The following LRFN5 variants were observed in gnomAD, a reference collection of about 807,000 sequenced individuals.
LRFN5 encodes leucine rich repeat and fibronectin type III domain containing 5, also known as leucine-rich repeat and fibronectin type-III domain-containing protein 5.
In LRFN5, 24 loss-of-function variants were observed where a neutral mutation model predicts 45.6. That is an observed-to-expected ratio of 0.53 (90% confidence interval 0.38 to 0.74). LRFN5 has a LOEUF of 0.74. LRFN5 is among the 30% of genes least tolerant of loss of function. LRFN5 has a pLI of 0.00. For missense variants in LRFN5, 776 were observed against 861.5 expected (o/e 0.90, Z 1.24); for synonymous variants, 340 against 313.8 (o/e 1.08, Z -0.88).
At chr14:41,739,765 GAA>G (rs1164907115) in intron 1 of LRFN5, among the ~76,000 whole-genome samples, 1 of 149,206 alleles carries the variant, frequency 6.7e-6, no homozygotes, top group African/African-American at 2.4e-5. Context: ...AAATATAAAT[GAA>G]AGTAAAATTG....
At chr14:41,717,387 A>G (rs772762592) in intron 1 of LRFN5, among the ~76,000 whole-genome samples, 12 of 152,216 alleles carry the variant, frequency 7.9e-5, no homozygotes, top group Non-Finnish European at 1.2e-4. Context: ...AATGAAAGCT[A>G]TGAAAGCTAA....
chr14:41,725,199 G>A (rs975543720), intron 1 of LRFN5, among the ~76,000 whole-genome samples: 4 of 152,116 alleles, frequency 2.6e-5, no homozygotes, highest in African/African-American at 9.7e-5. Context: ...TTTAGATGTG[G>A]CGAACTTGAG....
chr14:41,647,119 T>TAGGTGCATAAATTGA (rs1879854936), intron 1 of LRFN5, among the ~76,000 whole-genome samples: 1 of 152,190 alleles, frequency 6.6e-6, no homozygotes, highest in Non-Finnish European at 1.5e-5. Flanking sequence ...CCCCTGATGT[T>TAGGTGCATAAATTGA]TATATTGTTG....
At chr14:41,795,473 C>G (rs966158775) in intron 2 of LRFN5, among the ~76,000 whole-genome samples, 3 of 152,088 alleles carry the variant, frequency 2.0e-5, no homozygotes, top group African/African-American at 7.2e-5. Flanking sequence ...AAGACACATG[C>G]ACACGTATGT....
At chr14:41,613,848 G>T (rs35640579) in intron 1 of LRFN5, among the ~76,000 whole-genome samples, 2 of 151,972 alleles carry the variant, frequency 1.3e-5, no homozygotes, top group African/African-American at 4.8e-5. Context: ...ACCATGTTCA[G>T]CTCTTTTGAG....
chr14:41,670,411 G>A (rs554364970), intron 1 of LRFN5, among the ~76,000 whole-genome samples: 7 of 149,230 alleles, frequency 4.7e-5, no homozygotes, highest in South Asian at 2.1e-4. Flanking sequence ...TTTTCACTAC[G>A]TAATTTGTAT....
At chr14:41,819,854 A>G (rs1471000486) in intron 2 of LRFN5, among the ~76,000 whole-genome samples, 1 of 152,098 alleles carries the variant, frequency 6.6e-6, no homozygotes, top group Non-Finnish European at 1.5e-5. Flanking sequence ...TTGGGTGGAG[A>G]CACATATCTG....
chr14:41,627,669 C>T (rs1366883501), intron 1 of LRFN5, among the ~76,000 whole-genome samples: 2 of 152,040 alleles, frequency 1.3e-5, no homozygotes, highest in African/African-American at 4.8e-5. Context: ...ACAACATGGT[C>T]GAATATATAG....
intron 1 of LRFN5, among the ~76,000 whole-genome samples, chr14:41,640,530 A>G (rs1446191469): frequency 6.6e-6 from 1 of 152,048 alleles, no homozygotes; most frequent in Non-Finnish European, 1.5e-5. Flanking sequence ...TTTGAAGGAG[A>G]AATACACAGG....
chr14:41,758,726 A>G (rs1031638048), intron 1 of LRFN5, among the ~76,000 whole-genome samples: 2 of 152,202 alleles, frequency 1.3e-5, no homozygotes, highest in African/African-American at 4.8e-5. Flanking sequence ...TCTTTTATAC[A>G]TGACTGTTTA....
chr14:41,840,548 C>A (rs1888823905), intron 2 of LRFN5, among the ~76,000 whole-genome samples: 1 of 151,964 alleles, frequency 6.6e-6, no homozygotes, highest in African/African-American at 2.4e-5. Context: ...TGCTTAAGTG[C>A]AATTTAAAGT....
chr14:41,794,423 A>G (rs74045427), intron 2 of LRFN5, among the ~76,000 whole-genome samples: 11 of 152,104 alleles, frequency 7.2e-5, no homozygotes, highest in African/African-American at 2.6e-4. Flanking sequence ...GACTTTTCTG[A>G]TTCATTTAAT....
At chr14:41,849,019 T>G (rs1889170446) in intron 2 of LRFN5, among the ~76,000 whole-genome samples, 1 of 152,050 alleles carries the variant, frequency 6.6e-6, no homozygotes, top group Non-Finnish European at 1.5e-5. Flanking sequence ...TTGACTAATT[T>G]AACAGCTGAA....
intron 2 of LRFN5, among the ~76,000 whole-genome samples, chr14:41,856,680 T>TA (rs1566486532): frequency 1.7e-5 from 1 of 57,218 alleles, no homozygotes; most frequent in African/African-American, 6.0e-5. Flanking sequence ...TTATTATTTT[T>TA]TTTTTTTTTT....
At chr14:41,737,768 T>A (rs1884506076) in intron 1 of LRFN5, among the ~76,000 whole-genome samples, 1 of 151,768 alleles carries the variant, frequency 6.6e-6, no homozygotes, top group Non-Finnish European at 1.5e-5. Context: ...GAGAATAAAG[T>A]ACCTAGGAAT....
Position 41,760,062 on chromosome 14 carries a change from G to A in LRFN5, c.-196-6792G>A, listed in dbSNP as rs1566657372. 3.3e-5 allele frequency among the ~76,000 whole-genome samples: 5 copies of A among 152,112 alleles called. No individual in the cohort carries two copies. The South Asian group carries it at 1.0e-3, about 31-fold the overall frequency. ...GAAACTGTCATTCGTACGACCCACT[G>A]ACCTTATCAGATTTTTACCAATTTT... On this transcript the variant is annotated intron_variant, in intron 1 of 5. Coordinates refer to ENST00000298119, the MANE Select transcript of LRFN5 (RefSeq NM_152447.5).
intron 2 of LRFN5, among the ~76,000 whole-genome samples, chr14:41,801,596 C>G (rs1887335058): frequency 6.6e-6 from 1 of 152,098 alleles, no homozygotes; most frequent in East Asian, 1.9e-4. Context: ...TCTCCTATGC[C>G]TGTTTACTTC....
At chr14:41,721,364 T>C (rs1357969005) in intron 1 of LRFN5, among the ~76,000 whole-genome samples, 2 of 152,172 alleles carry the variant, frequency 1.3e-5, no homozygotes, top group Non-Finnish European at 2.9e-5. Flanking sequence ...ATTTAGATCA[T>C]TCACATTCAA....
At position 41,777,023 on chromosome 14, in the gene LRFN5, AT is replaced by A. The variant is rs201351294; in HGVS notation, c.-21+9995del. Among the ~76,000 whole-genome samples, 148 of 152,088 alleles carry A rather than the reference AT, an allele frequency of 9.7e-4. 4 individuals are homozygous for A. In the East Asian group the frequency reaches 0.028, roughly 29 times the overall value. On this transcript the variant is annotated intron_variant, in intron 2 of 5. Transcript: ENST00000298119. ...ACAGTTTTCATATATGAATGGATAT[AT>A]CTTGATTTTTCTATTTATTTTATTG...
Sources: gnomAD v4.1 joint callset for allele counts (sites outside exome capture counted in the v4.1 genomes callset) on GRCh38, gnomAD v4.1.1 for gene constraint, MANE v1.5 for transcripts, NCBI Gene and HGNC (gene_info 2026-07-23, HGNC 2026-07-21) for gene names.